Variants in TBX15 observed in about 807,000 individuals in gnomAD.
TBX15 encodes the protein T-box transcription factor TBX15.
In TBX15, 18 loss-of-function variants were observed where a neutral mutation model predicts 53.9. The observed-to-expected ratio is 0.33, with a 90% CI of 0.23 to 0.49. The LOEUF is 0.49. TBX15 is among the 20% of genes least tolerant of loss of function. The pLI is 0.98. For synonymous variants in TBX15, 295 were observed against 278.0 expected (o/e 1.06, Z -0.61); for missense variants, 692 against 749.5 (o/e 0.92, Z 0.90).
intron 2 of TBX15, 39 bp from the exon 3 acceptor site, chr1:118,926,650 G>A (rs1394105115): frequency 1.3e-6 from 2 of 1,552,808 alleles, no homozygotes; most frequent in Admixed American, 1.7e-5. Flanking sequence ...AGAAATCAGG[G>A]TGGGAGAAGT....
chr1:118,896,175 G>A (rs1478414271), intron 7 of TBX15, among the ~76,000 whole-genome samples: 1 of 150,554 alleles, frequency 6.6e-6, no homozygotes, highest in Admixed American at 6.6e-5. Flanking sequence ...TGTGGTGCAA[G>A]GAAGCCAAAA....
intron 1 of TBX15, among the ~76,000 whole-genome samples, chr1:118,949,957 A>C (rs923296091): frequency 1.1e-4 from 16 of 152,254 alleles, no homozygotes; most frequent in African/African-American, 3.6e-4. Flanking sequence ...GCCATCATCC[A>C]ATCCAGATTC....
chr1:118,984,842 G>T (rs1001244024), intron 1 of TBX15, among the ~76,000 whole-genome samples: 1 of 152,308 alleles, frequency 6.6e-6, no homozygotes, highest in Middle Eastern at 3.4e-3. Flanking sequence ...GCGCAGGCCG[G>T]ACTGATCCCC....
chr1:118,907,260 C>G (rs1231637884), intron 6 of TBX15, among the ~76,000 whole-genome samples: 1 of 152,124 alleles, frequency 6.6e-6, no homozygotes, highest in Non-Finnish European at 1.5e-5. Flanking sequence ...GGGTAAAGCC[C>G]AAGGTCACAG....
chr1:118,971,305 A>T (rs1474494517), intron 1 of TBX15, among the ~76,000 whole-genome samples: 1 of 152,220 alleles, frequency 6.6e-6, no homozygotes, highest in Non-Finnish European at 1.5e-5. Flanking sequence ...TCCAGAATAT[A>T]GAGAGATCAA....
At chr1:118,945,573 T>G (rs187517797) in intron 1 of TBX15, among the ~76,000 whole-genome samples, 1 of 152,266 alleles carries the variant, frequency 6.6e-6, no homozygotes, top group African/African-American at 2.4e-5. Context: ...AGACACCCTG[T>G]CATTTAAAAG....
intron 6 of TBX15, among the ~76,000 whole-genome samples, chr1:118,907,162 A>C (rs1654863519): frequency 6.6e-6 from 1 of 152,174 alleles, no homozygotes; most frequent in Non-Finnish European, 1.5e-5. Context: ...TTGGGGTGCC[A>C]TACCAGCTGG....
At chr1:118,920,987 C>A (rs760631416) in intron 5 of TBX15, among the ~76,000 whole-genome samples, 2 of 151,726 alleles carry the variant, frequency 1.3e-5, no homozygotes, top group Non-Finnish European at 2.9e-5. Flanking sequence ...CTAGCCTGGG[C>A]AACAAAATGA....
At chr1:118,931,549 T>C (rs998640066) in intron 2 of TBX15, 70 bp downstream of exon 2, 11 of 1,529,610 alleles carry the variant, frequency 7.2e-6, no homozygotes, top group Admixed American at 1.8e-5. Flanking sequence ...TAAATAAGAA[T>C]GGAAGAATGT....
intron 5 of TBX15, among the ~76,000 whole-genome samples, chr1:118,920,625 T>C (rs1188580201): frequency 6.6e-6 from 1 of 152,140 alleles, no homozygotes; most frequent in Non-Finnish European, 1.5e-5. Context: ...TTGACAATTT[T>C]TGGCATAGAA....
At chr1:118,962,340 C>A (rs1436474788) in intron 1 of TBX15, among the ~76,000 whole-genome samples, 1 of 152,122 alleles carries the variant, frequency 6.6e-6, no homozygotes, top group Non-Finnish European at 1.5e-5. Context: ...AACCTCAAAT[C>A]GTGCCTACAT....
intron 7 of TBX15, chr1:118,891,026 C>T (rs187336290): frequency 2.0e-6 from 2 of 1,022,560 alleles, no homozygotes; most frequent in East Asian, 6.2e-5. Context: ...GAGAATAAAC[C>T]CAGAGATCGT....
At chr1:118,988,719 C>T (rs1433927510), upstream of TBX15, among the ~76,000 whole-genome samples, 2 of 152,198 alleles carry the variant, frequency 1.3e-5, no homozygotes, top group African/African-American at 4.8e-5. Flanking sequence ...TTAACCTGTC[C>T]AAAATGCCAG....
intron 1 of TBX15, among the ~76,000 whole-genome samples, chr1:118,984,757 G>A (rs1657773672): frequency 1.3e-5 from 2 of 152,156 alleles, no homozygotes; most frequent in African/African-American, 4.8e-5. Context: ...GGTTTTTCGG[G>A]GCCACCAGGC....
chr1:118,920,717 T>A (rs910517208), intron 5 of TBX15, among the ~76,000 whole-genome samples: 1 of 152,114 alleles, frequency 6.6e-6, no homozygotes, highest in Non-Finnish European at 1.5e-5. Context: ...GTGACCTAAT[T>A]GGAAGCTATC....
chr1:118,891,644 A>G (rs1187144590), intron 7 of TBX15, among the ~76,000 whole-genome samples: 7 of 152,210 alleles, frequency 4.6e-5, no homozygotes, highest in Non-Finnish European at 8.8e-5. Flanking sequence ...AGATTTTGGT[A>G]GAAATCTTAG....
At chr1:118,985,134 C>T (rs905546449) in intron 1 of TBX15, among the ~76,000 whole-genome samples, 1 of 152,032 alleles carries the variant, frequency 6.6e-6, no homozygotes, top group South Asian at 2.1e-4. Flanking sequence ...TCATTCTTCC[C>T]GCAAAACAAT....
intron 5 of TBX15, among the ~76,000 whole-genome samples, chr1:118,915,543 T>G (rs1000393534): frequency 4.6e-5 from 7 of 152,210 alleles, no homozygotes; most frequent in Non-Finnish European, 8.8e-5. Flanking sequence ...CAATTTTACA[T>G]GTATTTTATA....
intron 5 of TBX15, 39 bp downstream of exon 5, chr1:118,923,397 A>G (rs755662027): frequency 6.2e-7 from 1 of 1,613,088 alleles, no homozygotes; most frequent in Middle Eastern, 1.7e-4. Flanking sequence ...AGGACCAAAA[A>G]ACAGATGTAG....
Sources: gnomAD v4.1 joint callset for allele counts (sites outside exome capture counted in the v4.1 genomes callset) on GRCh38, gnomAD v4.1.1 for gene constraint, MANE v1.5 for transcripts, NCBI Gene and HGNC (gene_info 2026-07-23, HGNC 2026-07-21) for gene names.